The following MLIP variants were observed in gnomAD, a reference collection of about 807,000 sequenced individuals.
MLIP encodes the protein muscular LMNA-interacting protein.
A neutral mutation model predicts 84.8 loss-of-function variants in MLIP; 79 were observed. The ratio of observed to expected loss-of-function variants is 0.93; its 90% CI spans 0.78 to 1.12. The LOEUF is 1.12. Among genes scored for constraint, MLIP ranks in the 50% most tolerant of loss-of-function variants. MLIP has a pLI of 0.00. For synonymous variants in MLIP, 504 were observed against 463.0 expected (o/e 1.09, Z -1.14); for missense variants, 1,257 against 1,160.6 (o/e 1.08, Z -1.21).
In MLIP at chr6:54,160,770, A is replaced by G. The variant is rs756312908; in HGVS notation, c.2470A>G (p.Lys824Glu). ...HSSDSPSRSPKTLLGSDTVKT... is the reference protein window; with the variant it reads ...HSSDSPSRSPETLLGSDTVKT... ...TTCTGATTCTCCTTCAAGGTCCCCAAAGACATTGTTGGGTTCTGACACAGT... is the reference window on the plus strand; with the variant it reads ...TTCTGATTCTCCTTCAAGGTCCCCAGAGACATTGTTGGGTTCTGACACAGT... Residue 824 changes from lysine to glutamate, a missense_variant, in exon 8 of 14, where the codon AAG becomes GAG. Transcript: ENST00000502396. 9 of 1,604,972 alleles carry G rather than the reference A, an allele frequency of 5.6e-6. No homozygotes were observed. The highest frequency in any genetic ancestry group is 4.5e-5 in the East Asian group (2 of 44,724).
At chr6:54,213,734 A>AAAAC (rs368508685) in intron 11 of MLIP, among the ~76,000 whole-genome samples, 44,399 of 82,068 alleles carry the variant, frequency 0.54, 17,421 homozygotes, top group Non-Finnish European at 0.71. Context: ...AAAAAAAAAA[A>AAAAC]AACAACAAAC....
chr6:54,033,849 T>C (rs1160706495), intron 1 of MLIP, among the ~76,000 whole-genome samples: 2 of 152,200 alleles, frequency 1.3e-5, no homozygotes, highest in Non-Finnish European at 2.9e-5. Context: ...ATTGGACTAA[T>C]GTTTAGGCAT....
At chr6:54,228,351 A>T (rs1282933659) in intron 11 of MLIP, among the ~76,000 whole-genome samples, 1 of 152,214 alleles carries the variant, frequency 6.6e-6, no homozygotes, top group Non-Finnish European at 1.5e-5. Flanking sequence ...AAACATAAAT[A>T]TTGAAGCTGT....
intron 9 of MLIP, among the ~76,000 whole-genome samples, chr6:54,186,508 A>G (rs1777408712): frequency 6.6e-6 from 1 of 152,190 alleles, no homozygotes; most frequent in African/African-American, 2.4e-5. Context: ...GAGACTGGGT[A>G]ATTTATAAAG....
At chr6:54,233,746 G>C (rs539678355) in intron 12 of MLIP, among the ~76,000 whole-genome samples, 4 of 152,002 alleles carry the variant, frequency 2.6e-5, no homozygotes, top group Non-Finnish European at 4.4e-5. Flanking sequence ...GGTATTTCTG[G>C]TTCTAGATTC....
chr6:54,164,996 A>G (rs188638285), intron 8 of MLIP, among the ~76,000 whole-genome samples: 1 of 152,062 alleles, frequency 6.6e-6, no homozygotes. Context: ...AATAGAGGAA[A>G]CATTGTTTTC....
intron 11 of MLIP, among the ~76,000 whole-genome samples, chr6:54,219,778 A>G (rs1780102195): frequency 6.6e-6 from 1 of 152,206 alleles, no homozygotes; most frequent in Non-Finnish European, 1.5e-5. Flanking sequence ...TATATTCTAA[A>G]TGAGATTCCT....
chr6:54,162,402 C>T (rs1294268306), intron 8 of MLIP, among the ~76,000 whole-genome samples: 2 of 152,032 alleles, frequency 1.3e-5, no homozygotes, highest in Admixed American at 6.6e-5. Context: ...TGTTGAGAAA[C>T]TGGGTTAAGC....
intron 1 of MLIP, among the ~76,000 whole-genome samples, chr6:54,105,042 T>C (rs548734692): frequency 6.6e-6 from 1 of 152,294 alleles, no homozygotes; most frequent in South Asian, 2.1e-4. Flanking sequence ...ATAACGCTGA[T>C]CTAGAACCTC....
intron 3 of MLIP, among the ~76,000 whole-genome samples, chr6:54,133,233 C>G (rs1771530595): frequency 6.6e-6 from 1 of 152,104 alleles, no homozygotes; most frequent in South Asian, 2.1e-4. Flanking sequence ...TTTAAAAGTT[C>G]AATCTGGTGA....
chr6:54,240,322 C>G (rs886761499), intron 12 of MLIP, among the ~76,000 whole-genome samples: 2 of 152,144 alleles, frequency 1.3e-5, no homozygotes, highest in African/African-American at 4.8e-5. Context: ...GGCCATTACT[C>G]TCATCTTAAA....
At position 54,098,618 on chromosome 6, in the gene MLIP, T is replaced by C. The variant is rs184435448; in HGVS notation, c.64-22829T>C. 2.2e-3 allele frequency among the ~76,000 whole-genome samples: 335 copies of C among 152,204 alleles called. 2 individuals carry two copies. Among genetic ancestry groups the C allele is most frequent in the African/African-American group, 7.4e-3 (306 of 41,528 alleles). On this transcript the variant is annotated intron_variant, in intron 1 of 12. Transcript: ENST00000274897. ...AGTTCAGGGGAAAAAAAGTCAACTA[T>C]TTGAGTAGCAAGAGGCCATGCATTG...
chr6:54,247,258 C>T (rs1015847603), intron 12 of MLIP, among the ~76,000 whole-genome samples: 1 of 152,132 alleles, frequency 6.6e-6, no homozygotes, highest in Non-Finnish European at 1.5e-5. Flanking sequence ...AACTGACTGA[C>T]AGTGGAGAGT....
intron 12 of MLIP, among the ~76,000 whole-genome samples, chr6:54,240,457 A>C (rs1318665801): frequency 6.6e-6 from 1 of 151,964 alleles, no homozygotes; most frequent in Admixed American, 6.5e-5. Flanking sequence ...ATTCTAAACT[A>C]TGTGATGTGT....
chr6:54,047,752 G>C (rs1466871202), intron 1 of MLIP, among the ~76,000 whole-genome samples: 2 of 152,196 alleles, frequency 1.3e-5, no homozygotes, highest in Non-Finnish European at 2.9e-5. Flanking sequence ...GCTAGAATGT[G>C]TTAAGAGTTT....
chr6:54,130,648 G>A, intron 3 of MLIP, among the ~76,000 whole-genome samples: 1 of 152,118 alleles, frequency 6.6e-6, no homozygotes, highest in East Asian at 1.9e-4. Context: ...AAAAGTGTAT[G>A]TGCATGCTCA....
At chr6:54,148,926 A>G in intron 4 of MLIP, 130 bp from the exon 5 acceptor site, 1 of 646,408 alleles carries the variant, frequency 1.5e-6, no homozygotes, top group Admixed American at 3.2e-5. Context: ...GTCAGAAACA[A>G]GTTGTTCAGC....
At chr6:54,114,169 G>C (rs1769712482) in intron 1 of MLIP, among the ~76,000 whole-genome samples, 1 of 152,182 alleles carries the variant, frequency 6.6e-6, no homozygotes, top group Non-Finnish European at 1.5e-5. Context: ...CAATGTTAGA[G>C]TCTGTAGGGT....
At chr6:54,113,319 T>G (rs1201080800) in intron 1 of MLIP, among the ~76,000 whole-genome samples, 2 of 152,170 alleles carry the variant, frequency 1.3e-5, no homozygotes, top group African/African-American at 4.8e-5. Context: ...ACTTCAGTAA[T>G]TTCCTTGCCA....
Sources: allele counts gnomAD v4.1 joint callset (sites outside exome capture counted in the v4.1 genomes callset), GRCh38; gene constraint gnomAD v4.1.1; transcripts MANE v1.5; gene names NCBI Gene and HGNC (gene_info 2026-07-23, HGNC 2026-07-21).